PRMT8: variants seen among roughly 807,000 people sequenced by gnomAD.
The protein encoded by PRMT8 is protein arginine methyltransferase 8.
Under a neutral mutation model 47.1 loss-of-function variants are expected in PRMT8, and 7 were observed. The observed-to-expected ratio is 0.15, with a 90% CI of 0.08 to 0.28. The LOEUF is 0.28. Among genes scored for constraint, PRMT8 ranks in the 10% least tolerant of loss-of-function variants. PRMT8 has a pLI of 1.00. For missense variants in PRMT8, 237 were observed against 505.4 expected, an observed-to-expected ratio of 0.47 and a Z score of 5.09; for synonymous variants, 188 against 186.5, an observed-to-expected ratio of 1.01 and a Z score of -0.07.
Position 3,394,935 on chromosome 12 carries a change from C to T in PRMT8, c.48+13493C>T, listed in dbSNP as rs937911316. 4.4e-3 allele frequency among the ~76,000 whole-genome samples: 666 copies of T among 151,988 alleles called. 3 individuals carry two copies. The highest frequency in any genetic ancestry group is 0.015 in the African/African-American group (624 of 41,462). The stretch of plus-strand genomic sequence containing the variant: ...AGATTCAACTTCTTCCTGGTTTAGT[C>T]TTGGGAGAGTGTATGTGTCGAGGAA... On this transcript the variant is annotated intron_variant, in intron 1 of 9. Transcript: ENST00000452611.
At chr12:3,473,774 C>T (rs563286868) in intron 1 of PRMT8, among the ~76,000 whole-genome samples, 1 of 152,288 alleles carries the variant, frequency 6.6e-6, no homozygotes, top group Admixed American at 6.5e-5. Context: ...ACCCAATTGG[C>T]CAAATAAATC....
intron 1 of PRMT8, among the ~76,000 whole-genome samples, chr12:3,504,896 G>A (rs1352384273): frequency 4.6e-4 from 18 of 39,156 alleles, no homozygotes; most frequent in Non-Finnish European, 5.8e-4. Flanking sequence ...GTGGGATATA[G>A]TCTCGTGGTG....
At chr12:3,419,683 CTT>C (rs1267849358) in intron 1 of PRMT8, among the ~76,000 whole-genome samples, 1 of 152,282 alleles carries the variant, frequency 6.6e-6, no homozygotes, top group South Asian at 2.1e-4. Flanking sequence ...CACCTCCACT[CTT>C]TATTCCCTCC....
intron 2 of PRMT8, among the ~76,000 whole-genome samples, chr12:3,545,058 G>T (rs1250180264): frequency 6.6e-6 from 1 of 152,176 alleles, no homozygotes; most frequent in South Asian, 2.1e-4. Flanking sequence ...TGAAGGAAAG[G>T]GTTGTAGTTA....
chr12:3,553,905 G>A (rs1307738700), intron 4 of PRMT8, among the ~76,000 whole-genome samples, 191 bp downstream of exon 4: 1 of 152,182 alleles, frequency 6.6e-6, no homozygotes, highest in African/African-American at 2.4e-5. Context: ...GCCAGCTGAG[G>A]ATCACAGCCA....
At chr12:3,438,268 C>A (rs1345603049) in intron 1 of PRMT8, among the ~76,000 whole-genome samples, 1 of 152,204 alleles carries the variant, frequency 6.6e-6, no homozygotes, top group Non-Finnish European at 1.5e-5. Flanking sequence ...GACCGTCTCC[C>A]GTTTAGTCAT....
intron 1 of PRMT8, among the ~76,000 whole-genome samples, chr12:3,414,121 A>G (rs1209869188): frequency 6.6e-6 from 1 of 152,244 alleles, no homozygotes; most frequent in Non-Finnish European, 1.5e-5. Context: ...AATTTTCTAT[A>G]ATAAATATGG....
intron 7 of PRMT8, among the ~76,000 whole-genome samples, chr12:3,581,068 C>T (rs1867052273): frequency 6.6e-6 from 1 of 152,150 alleles, no homozygotes; most frequent in Non-Finnish European, 1.5e-5. Flanking sequence ...CTTGGCCGAC[C>T]TAAATGCAAG....
At chr12:3,440,248 C>T (rs986398814) in intron 1 of PRMT8, among the ~76,000 whole-genome samples, 26 of 152,068 alleles carry the variant, frequency 1.7e-4, no homozygotes, top group Admixed American at 1.6e-3. Context: ...ATCATGAGGT[C>T]AGGAGATCGA....
chr12:3,454,933 A>G (rs933248008), intron 1 of PRMT8, among the ~76,000 whole-genome samples: 9 of 152,182 alleles, frequency 5.9e-5, no homozygotes, highest in Admixed American at 3.9e-4. Flanking sequence ...CAGCTGGTCT[A>G]AAGGACCCCA....
chr12:3,469,162 A>T, intron 1 of PRMT8: 1 of 496,694 alleles, frequency 2.0e-6, no homozygotes, highest in East Asian at 5.6e-5. Flanking sequence ...AAGTGAAGCT[A>T]TATTCCTGTG....
chr12:3,570,813 C>T lies in PRMT8; in HGVS notation c.712+1249C>T, dbSNP rs1351225847. 1.3e-5 allele frequency among the ~76,000 whole-genome samples: 2 copies of T among 152,260 alleles called. No individual in the cohort carries two copies. The highest frequency in any genetic ancestry group is 2.1e-4 in the South Asian group (1 of 4,820). On this transcript the variant is annotated intron_variant, in intron 6 of 9. Transcript: ENST00000382622. This position sits in a 1 kb window ranked among gnomAD's most constrained non-coding sequence, Gnocchi z 5.5. The stretch of plus-strand genomic sequence containing the variant: ...GTTTGAAGCTCTGTGCCCTGGAAAC[C>T]GTCTCTGGTTGCTGTCTGCCTCCAG...
chr12:3,386,401 C>T (rs778382654), intron 1 of PRMT8, among the ~76,000 whole-genome samples: 18 of 152,286 alleles, frequency 1.2e-4, no homozygotes, highest in South Asian at 2.1e-4. Context: ...TACATTATGC[C>T]GTTCCTCTTA....
At chr12:3,454,951 T>C (rs1376554985) in intron 1 of PRMT8, among the ~76,000 whole-genome samples, 1 of 152,168 alleles carries the variant, frequency 6.6e-6, no homozygotes, top group Non-Finnish European at 1.5e-5. Flanking sequence ...CCATAGGAGC[T>C]GACGCACCAA....
intron 8 of PRMT8, among the ~76,000 whole-genome samples, chr12:3,584,649 G>A (rs1420818431): frequency 6.6e-6 from 1 of 152,160 alleles, no homozygotes; most frequent in Non-Finnish European, 1.5e-5. Context: ...CTCTTCAGAG[G>A]CAAATATTAT....
intron 1 of PRMT8, among the ~76,000 whole-genome samples, chr12:3,418,921 A>C (rs1864510291): frequency 6.6e-6 from 1 of 152,160 alleles, no homozygotes; most frequent in Non-Finnish European, 1.5e-5. Flanking sequence ...TGGGTAGAAA[A>C]TGTACCAAGA....
chr12:3,388,840 C>T (rs914626994), intron 1 of PRMT8, among the ~76,000 whole-genome samples: 1 of 152,204 alleles, frequency 6.6e-6, no homozygotes, highest in African/African-American at 2.4e-5. Context: ...CAATTTATTT[C>T]GTCTCTCAAG....
chr12:3,433,342 T>C (rs1343519674), intron 1 of PRMT8, among the ~76,000 whole-genome samples: 1 of 152,204 alleles, frequency 6.6e-6, no homozygotes, highest in Non-Finnish European at 1.5e-5. Context: ...GGAGAAGTAA[T>C]GATAACAATG....
At position 3,474,199 on chromosome 12, in the gene PRMT8, G is replaced by A. The variant is rs116400882; in HGVS notation, c.49-66407G>A. Among the ~76,000 whole-genome samples, 1,288 of 152,300 alleles carry A rather than the reference G, an allele frequency of 8.5e-3. 25 individuals carry two copies. The highest frequency in any genetic ancestry group is 0.029 in the African/African-American group (1,219 of 41,558). On this transcript the variant is annotated intron_variant, in intron 1 of 9. Transcript: ENST00000452611. ...GCATCCAAGTCCCTTCACATCACAC[G>A]GTGAGGGGCTTGCACTTGGAGAGAG...
Sources: allele counts gnomAD v4.1 joint callset (sites outside exome capture counted in the v4.1 genomes callset), GRCh38; gene constraint gnomAD v4.1.1; non-coding constraint Gnocchi (gnomAD v3.1); transcripts MANE v1.5; gene names NCBI Gene and HGNC (gene_info 2026-07-23, HGNC 2026-07-21).